The following PTPRM variants were observed in gnomAD, a reference collection of about 807,000 sequenced individuals.
The protein encoded by PTPRM is receptor-type tyrosine-protein phosphatase mu.
PTPRM carries 47 observed loss-of-function variants against 186.7 expected under a neutral mutation model. That is an observed-to-expected ratio of 0.25 (90% CI 0.20 to 0.32). The LOEUF (loss-of-function observed/expected upper bound fraction) is 0.32. Among genes scored for constraint, PTPRM ranks in the 10% least tolerant of loss-of-function variants. PTPRM has a pLI of 1.00. For synonymous variants in PTPRM, 668 were observed against 674.9 expected (o/e 0.99, Z 0.16); for missense variants, 1,494 against 1,865.0 (o/e 0.80, Z 3.66).
At chr18:7,666,078 A>AATATC (rs1222743545) in intron 1 of PTPRM, among the ~76,000 whole-genome samples, 1 of 152,224 alleles carries the variant, frequency 6.6e-6, no homozygotes, top group African/African-American at 2.4e-5. Flanking sequence ...TTTTAAAGAC[A>AATATC]TATCGTTAGA....
At chr18:7,887,974 G>C (rs1488240645) in intron 2 of PTPRM, 132 bp from the exon 3 acceptor site, 2 of 1,025,124 alleles carry the variant, frequency 2.0e-6, no homozygotes, top group Non-Finnish European at 3.1e-6. Context: ...AATAGGAATG[G>C]AAGAAATGGC....
chr18:8,083,814 C>T (rs913310129), intron 9 of PTPRM, among the ~76,000 whole-genome samples: 1 of 152,126 alleles, frequency 6.6e-6, no homozygotes, highest in Non-Finnish European at 1.5e-5. Flanking sequence ...CGAGCAAAAG[C>T]AGTGTCAGAA....
At chr18:8,135,385 A>G (rs1454553179) in intron 13 of PTPRM, among the ~76,000 whole-genome samples, 1 of 152,134 alleles carries the variant, frequency 6.6e-6, no homozygotes, top group Non-Finnish European at 1.5e-5. Flanking sequence ...TTCCCCACTC[A>G]TACTTTGGAG....
chr18:7,696,986 A>C (rs1019194159), intron 1 of PTPRM, among the ~76,000 whole-genome samples: 14 of 152,234 alleles, frequency 9.2e-5, no homozygotes, highest in Admixed American at 2.6e-4. Flanking sequence ...AAATTGTAGC[A>C]GCAGTATTTC....
intron 7 of PTPRM, among the ~76,000 whole-genome samples, chr18:8,017,499 C>G (rs1435502828): frequency 1.4e-5 from 2 of 144,070 alleles, no homozygotes; most frequent in African/African-American, 5.2e-5. Flanking sequence ...AAGAGAATTG[C>G]TTGGACCCGG....
chr18:8,079,252 C>T (rs966970676), intron 9 of PTPRM, among the ~76,000 whole-genome samples: 1 of 152,124 alleles, frequency 6.6e-6, no homozygotes, highest in East Asian at 1.9e-4. Context: ...CGTTCTGGCT[C>T]AAGTCCTTCT....
intron 7 of PTPRM, among the ~76,000 whole-genome samples, chr18:7,979,143 C>T (rs1446118996): frequency 6.6e-6 from 1 of 152,130 alleles, no homozygotes; most frequent in Non-Finnish European, 1.5e-5. Flanking sequence ...TGCAGATGAT[C>T]TATGTCCAGC....
At chr18:8,200,418 A>C (rs1370098646) in intron 14 of PTPRM, among the ~76,000 whole-genome samples, 1 of 152,222 alleles carries the variant, frequency 6.6e-6, no homozygotes, top group Non-Finnish European at 1.5e-5. Context: ...CCTTGTCACA[A>C]GACATTGTTG....
chr18:8,184,460 C>T (rs925496829), intron 14 of PTPRM, among the ~76,000 whole-genome samples: 7 of 152,038 alleles, frequency 4.6e-5, no homozygotes, highest in South Asian at 2.1e-4. Context: ...TCAGAGGAGA[C>T]GAGTGAGATG....
At chr18:8,158,140 C>T (rs943439903) in intron 14 of PTPRM, among the ~76,000 whole-genome samples, 8 of 152,240 alleles carry the variant, frequency 5.3e-5, no homozygotes, top group African/African-American at 1.9e-4. Flanking sequence ...TAACCTCTAT[C>T]TATTAGCATA....
At chr18:7,886,245 C>T (rs972514733) in intron 2 of PTPRM, among the ~76,000 whole-genome samples, 1 of 152,196 alleles carries the variant, frequency 6.6e-6, no homozygotes, top group East Asian at 1.9e-4. Context: ...TACACAGGAA[C>T]GTCCTACTCT....
chr18:7,780,422 T>C lies in PTPRM; in HGVS notation c.196+6151T>C, dbSNP rs900518821. On this transcript the variant is annotated intron_variant, in intron 2 of 32. Transcript: ENST00000580170. Reference sequence around the variant, plus strand: ...ATGCATCTGGGGAAGAGGCTAGTCTTTCATTTCAGGTGCATGCATTTGGAT... The same window carrying C: ...ATGCATCTGGGGAAGAGGCTAGTCTCTCATTTCAGGTGCATGCATTTGGAT... Among the ~76,000 whole-genome samples, 3 of 152,194 alleles carry C rather than the reference T, an allele frequency of 2.0e-5. No individual in the cohort carries two copies. In the South Asian group the frequency reaches 6.2e-4, roughly 32 times the overall value.
chr18:7,706,567 A>C (rs1423788486), intron 1 of PTPRM, among the ~76,000 whole-genome samples: 2 of 133,550 alleles, frequency 1.5e-5, no homozygotes, highest in Non-Finnish European at 3.0e-5. Flanking sequence ...ATGCCACTGC[A>C]CTCCAGCCTG....
At chr18:8,269,382 A>G (rs951261410) in intron 19 of PTPRM, among the ~76,000 whole-genome samples, 77 of 152,116 alleles carry the variant, frequency 5.1e-4, no homozygotes, top group African/African-American at 1.8e-3. Context: ...TTTATAAAAG[A>G]AATTGAAGAT....
At chr18:8,108,542 T>C (rs1300293606) in intron 11 of PTPRM, among the ~76,000 whole-genome samples, 1 of 152,188 alleles carries the variant, frequency 6.6e-6, no homozygotes, top group Non-Finnish European at 1.5e-5. Flanking sequence ...AGGCTTCCTC[T>C]CCAGGAACTC....
chr18:7,796,584 C>T (rs1229334179), intron 2 of PTPRM, among the ~76,000 whole-genome samples: 1 of 152,166 alleles, frequency 6.6e-6, no homozygotes, highest in Non-Finnish European at 1.5e-5. Flanking sequence ...GGGCCATTCC[C>T]AGTGGTAGGG....
At chr18:8,029,475 G>T (rs1429068312) in intron 7 of PTPRM, among the ~76,000 whole-genome samples, 1 of 151,928 alleles carries the variant, frequency 6.6e-6, no homozygotes, top group Non-Finnish European at 1.5e-5. Flanking sequence ...CCTCATGCTT[G>T]CTTGGCCACT....
chr18:8,196,492 G>A (rs559319753), intron 14 of PTPRM, among the ~76,000 whole-genome samples: 10 of 152,288 alleles, frequency 6.6e-5, no homozygotes, highest in East Asian at 5.8e-4. Flanking sequence ...TACTGGTTTC[G>A]TACAACTCAG....
At chr18:7,812,001 C>T (rs1407109002) in intron 2 of PTPRM, among the ~76,000 whole-genome samples, 5 of 152,072 alleles carry the variant, frequency 3.3e-5, no homozygotes, top group Non-Finnish European at 7.4e-5. Flanking sequence ...GGTTCTGAAA[C>T]CTTTTATATA....
Sources: allele counts gnomAD v4.1 joint callset (sites outside exome capture counted in the v4.1 genomes callset), GRCh38; gene constraint gnomAD v4.1.1; transcripts MANE v1.5; gene names NCBI Gene and HGNC (gene_info 2026-07-23, HGNC 2026-07-21).